The following RNF150 variants were observed in gnomAD, a reference collection of about 807,000 sequenced individuals.
The protein encoded by RNF150 is ring finger protein 150.
Under a neutral mutation model 39.3 loss-of-function variants are expected in RNF150, and 24 were observed. That is an observed-to-expected ratio of 0.61 (90% CI 0.44 to 0.86). RNF150 has a LOEUF of 0.86. RNF150 is among the 40% of genes least tolerant of loss of function. The pLI, the probability that RNF150 is intolerant of heterozygous loss-of-function variation, is 0.00. For synonymous variants in RNF150, 255 were observed against 227.3 expected (o/e 1.12, Z -1.10); for missense variants, 502 against 587.8 (o/e 0.85, Z 1.51).
chr4:141,033,849 A>C (rs4956500), intron 1 of RNF150, among the ~76,000 whole-genome samples: 92,847 of 152,034 alleles, frequency 0.61, 29,131 homozygotes, highest in Non-Finnish European at 0.69. Flanking sequence ...TCAGTAAACC[A>C]TGCTGTAAAC....
At chr4:140,872,454 A>T (rs964601630) in intron 6 of RNF150, among the ~76,000 whole-genome samples, 21 of 152,222 alleles carry the variant, frequency 1.4e-4, no homozygotes, top group African/African-American at 4.6e-4. Context: ...AGATTTAAAC[A>T]GGAGGTAATC....
intron 6 of RNF150, among the ~76,000 whole-genome samples, chr4:140,879,184 A>G (rs1274039215): frequency 6.6e-6 from 1 of 152,150 alleles, no homozygotes; most frequent in Non-Finnish European, 1.5e-5. Context: ...TGAGGCCTTC[A>G]ATTTTGTTCT....
At chr4:141,133,733 C>T (rs1253933947), upstream of RNF150, among the ~76,000 whole-genome samples, 1 of 152,068 alleles carries the variant, frequency 6.6e-6, no homozygotes, top group African/African-American at 2.4e-5. Flanking sequence ...TCGTAAACGA[C>T]CCTCCCGTTT....
At chr4:141,148,713 T>G (rs1001628119) in intron 1 of RNF150, among the ~76,000 whole-genome samples, 3 of 152,340 alleles carry the variant, frequency 2.0e-5, no homozygotes, top group Admixed American at 1.3e-4. Flanking sequence ...AGTGCTAGGA[T>G]TACAGGCGTG....
chr4:141,143,229 C>T (rs1434681173), intron 1 of RNF150, among the ~76,000 whole-genome samples: 3 of 152,156 alleles, frequency 2.0e-5, no homozygotes, highest in Admixed American at 6.5e-5. Flanking sequence ...CCCAGACTCG[C>T]TTATCCAGCT....
At chr4:140,919,407 G>A (rs1578965151) in intron 5 of RNF150, among the ~76,000 whole-genome samples, 1 of 135,970 alleles carries the variant, frequency 7.4e-6, no homozygotes, top group South Asian at 2.7e-4. Flanking sequence ...CAAACAGAGA[G>A]CCAAATCATG....
chr4:140,911,025 A>G (rs958019857), intron 6 of RNF150, 119 bp downstream of exon 6: 2 of 789,816 alleles, frequency 2.5e-6, no homozygotes, highest in Admixed American at 2.5e-5. Context: ...ATAACTGATG[A>G]ACCTAGCAAT....
At chr4:141,167,652 A>G (rs1446924139) in intron 1 of RNF150, among the ~76,000 whole-genome samples, 3 of 152,188 alleles carry the variant, frequency 2.0e-5, no homozygotes, top group Non-Finnish European at 4.4e-5. Context: ...ACTTACAACC[A>G]TTTGGTCTTT....
chr4:141,108,970 C>T (rs1480090895), intron 1 of RNF150, among the ~76,000 whole-genome samples: 1 of 152,084 alleles, frequency 6.6e-6, no homozygotes, highest in Non-Finnish European at 1.5e-5. Flanking sequence ...GGGCATATTG[C>T]TTGAATGTAT....
At chr4:140,908,412 G>T (rs1730472112) in intron 6 of RNF150, among the ~76,000 whole-genome samples, 1 of 152,040 alleles carries the variant, frequency 6.6e-6, no homozygotes, top group Admixed American at 6.5e-5. Flanking sequence ...AATATTTCGT[G>T]AGAAAATTTA....
chr4:141,063,191 C>T (rs1737306418), intron 1 of RNF150, among the ~76,000 whole-genome samples: 1 of 152,180 alleles, frequency 6.6e-6, no homozygotes, highest in African/African-American at 2.4e-5. Flanking sequence ...TGAACTTATA[C>T]TATAAATATG....
intron 6 of RNF150, among the ~76,000 whole-genome samples, chr4:140,904,902 GAA>G (rs1265111922): frequency 6.6e-6 from 1 of 152,128 alleles, no homozygotes; most frequent in East Asian, 1.9e-4. Context: ...AAAAATATAA[GAA>G]TAAATGTCAT....
intron 4 of RNF150, among the ~76,000 whole-genome samples, chr4:140,936,340 T>G (rs1731862661): frequency 6.6e-6 from 1 of 152,226 alleles, no homozygotes; most frequent in South Asian, 2.1e-4. Context: ...TGTATTTAAC[T>G]TTAGTGGAAA....
intron 1 of RNF150, among the ~76,000 whole-genome samples, chr4:141,142,777 T>C (rs1331378125): frequency 6.6e-6 from 1 of 152,220 alleles, no homozygotes; most frequent in Admixed American, 6.5e-5. Context: ...ATGTTGGGGT[T>C]CCTTCAGGCT....
chr4:140,961,267 A>G (rs751818539), intron 2 of RNF150, among the ~76,000 whole-genome samples: 23 of 152,170 alleles, frequency 1.5e-4, no homozygotes, highest in Admixed American at 1.5e-3. Context: ...AATTGAAATG[A>G]TCTTCTCCAG....
At position 141,208,447 on chromosome 4, in the gene RNF150, T is replaced by C. The variant is rs1170887863; in HGVS notation, c.-6+4347A>G. On this transcript the variant is annotated intron_variant, in intron 1 of 7. Coordinates refer to the RNF150 transcript ENST00000420921. The stretch of plus-strand genomic sequence containing the variant: ...AGATTCAGACATTTACAAAGTGAAA[T>C]TGCAAAAGAGTTTCAATTCTTCTTT... Among the ~76,000 whole-genome samples, 5 of 152,342 alleles carry C rather than the reference T, an allele frequency of 3.3e-5. No homozygotes were observed. The Middle Eastern group carries it at 0.017, about 518-fold the overall frequency.
At chr4:141,058,638 T>C (rs1048538517) in intron 1 of RNF150, among the ~76,000 whole-genome samples, 4 of 152,168 alleles carry the variant, frequency 2.6e-5, no homozygotes, top group African/African-American at 2.4e-5. Flanking sequence ...TATTATACTG[T>C]CCTACCCCTC....
chr4:141,080,556 T>G (rs1056426429), intron 1 of RNF150, among the ~76,000 whole-genome samples: 1 of 152,214 alleles, frequency 6.6e-6, no homozygotes, highest in Non-Finnish European at 1.5e-5. Context: ...ATATATCCCC[T>G]TTCAACAACG....
intron 1 of RNF150, among the ~76,000 whole-genome samples, chr4:141,181,910 A>T (rs1367446125): frequency 6.6e-6 from 1 of 152,178 alleles, no homozygotes; most frequent in Non-Finnish European, 1.5e-5. Context: ...GTGAATTGGG[A>T]TGTACCTTGA....
Sources: gnomAD v4.1 joint callset for allele counts (sites outside exome capture counted in the v4.1 genomes callset) on GRCh38, gnomAD v4.1.1 for gene constraint, MANE v1.5 for transcripts, NCBI Gene and HGNC (gene_info 2026-07-23, HGNC 2026-07-21) for gene names.